Variants in CD84 observed in about 807,000 individuals in gnomAD.
CD84 encodes the protein SLAM family member 5.
In CD84, 22 loss-of-function variants were observed where a neutral mutation model predicts 33.8. The ratio of observed to expected loss-of-function variants is 0.65; its 90% CI spans 0.46 to 0.93. CD84 has a LOEUF of 0.93. Among genes scored for constraint, CD84 ranks in the 40% least tolerant of loss-of-function variants. The pLI, the probability that CD84 is intolerant of heterozygous loss-of-function variation, is 0.00. For missense variants in CD84, 400 were observed against 397.6 expected (o/e 1.01, Z -0.05); for synonymous variants, 154 against 145.2 (o/e 1.06, Z -0.44).
Position 160,565,538 on chromosome 1 carries a change from A to G in CD84, c.254T>C (p.Ile85Thr). The G allele has an allele frequency of 6.2e-7, 1 of 1,614,002 alleles. No individual in the cohort carries two copies. The highest frequency in any genetic ancestry group is 8.5e-7 in the Non-Finnish European group (1 of 1,179,904). The change falls in exon 2 of 7, where the codon ATA (isoleucine) becomes ACA (threonine). Residue 85 changes from isoleucine (I) to threonine (T), a missense_variant. Physicochemically the swap from Ile to Thr is moderately conservative, Grantham distance 89. Transcript: ENST00000368054. ...ATTGTAGTTCGGACCTAAGGCATGT[A>G]TCCGTTCATAATAATTTCTGTGGGT... ...TVTHRNYYERIHALGPNYNLV... is the reference protein window; with the variant it reads ...TVTHRNYYERTHALGPNYNLV...
Position 160,555,081 on chromosome 1 carries a change from C to CT in CD84, c.389-936dup, listed in dbSNP as rs35518975. On this transcript the variant is annotated intron_variant, in intron 2 of 6. Transcript: ENST00000368054. ...TCAGCACACAACTACATGAAATAAT[C>CT]TTTTTTTTTTTTTTTTTGAGACGGA... is the stretch of plus-strand genomic sequence containing the variant. Among the ~76,000 whole-genome samples, 625 of 138,492 alleles carry CT rather than the reference C, an allele frequency of 4.5e-3. 4 individuals are homozygous for CT. The highest frequency in any genetic ancestry group is 0.013 in the South Asian group (55 of 4,296). The allele number at this position is 138,492 out of a possible 152,430, so 90.9% of individuals were successfully genotyped here.
At position 160,553,983 on chromosome 1, in the gene CD84, A is replaced by G; in HGVS notation, c.552T>C (p.Pro184=). The G allele has an allele frequency of 1.2e-6, 2 of 1,614,222 alleles. No homozygotes were observed. The highest frequency in any genetic ancestry group is 2.2e-5 in the East Asian group (1 of 44,878). The change falls in exon 3 of 7, where the codon CCT becomes CCC. Residue 184 remains proline, a synonymous_variant. Transcript: ENST00000368054. ...EGNVLQIFQT[P]EDQELTYTCT... Reference sequence around the variant, plus strand: ...ACGTGTAAGTCAGCTCTTGGTCCTCAGGAGTCTGGAAGATTTGAAGGACAT... The same window carrying G: ...ACGTGTAAGTCAGCTCTTGGTCCTCGGGAGTCTGGAAGATTTGAAGGACAT...
chr1:160,543,602 TTTATTATTA>T lies in CD84; in HGVS notation c.*4645_*4653del, dbSNP rs10527741. On this transcript the variant is annotated 3_prime_UTR_variant, in exon 7 of 7. Transcript: ENST00000368054. Reference sequence around the variant, plus strand: ...ATCTTCAAGGAGCTCTCCATTATTATTTATTATTATTATTATTATTATTATTATTTAGGT... The same window carrying T: ...ATCTTCAAGGAGCTCTCCATTATTATTTATTATTATTATTATTATTTAGGT... 2.1e-5 allele frequency: 3 copies of T among 142,702 alleles called. No homozygotes were observed. Among genetic ancestry groups the T allele is most frequent in the African/African-American group, 7.7e-5 (3 of 38,740 alleles). The allele number at this position is 142,702 out of a possible 1,614,324, so 8.8% of individuals were successfully genotyped here.
At chr1:160,561,712 G>A (rs1656980949) in intron 2 of CD84, among the ~76,000 whole-genome samples, 1 of 152,118 alleles carries the variant, frequency 6.6e-6, no homozygotes, top group South Asian at 2.1e-4. Context: ...AGGGAGAGAG[G>A]AAGTCAAACT....
At chr1:160,558,232 C>T (rs888042732) in intron 2 of CD84, among the ~76,000 whole-genome samples, 4 of 152,190 alleles carry the variant, frequency 2.6e-5, no homozygotes, top group African/African-American at 9.6e-5. Flanking sequence ...TGTATTCAGG[C>T]TGGCAACAGG....
At position 160,541,730 on chromosome 1, in the gene CD84, A is replaced by C. The variant is rs1363154134; in HGVS notation, c.*6526T>G. ...GCTGGAGCCTTAGGGAGCAGGCAGG[A>C]GACAGCCTGGAAGGTCTGATGGGTC... is the stretch of plus-strand genomic sequence containing the variant. On this transcript the variant is annotated 3_prime_UTR_variant, in exon 7 of 7. Transcript: ENST00000368054. 1 of 152,226 alleles carries C rather than the reference A, an allele frequency of 6.6e-6. No individual in the cohort carries two copies. Among genetic ancestry groups the C allele is most frequent in the Admixed American group, 6.5e-5 (1 of 15,276 alleles). 9.4% of individuals were successfully genotyped at this position (152,226 alleles called of 1,614,324 possible).
At chr1:160,555,550 G>A (rs1167153718) in intron 2 of CD84, among the ~76,000 whole-genome samples, 1 of 152,168 alleles carries the variant, frequency 6.6e-6, no homozygotes, top group South Asian at 2.1e-4. Flanking sequence ...GGCTAGTAAA[G>A]GGTTACTAAA....
At chr1:160,571,607 A>G (rs1657698449) in intron 1 of CD84, 1 of 152,058 alleles carries the variant, frequency 6.6e-6, no homozygotes, top group South Asian at 2.1e-4. Context: ...GAGATAGGAC[A>G]GTAGCTAGAA....
rs955668521 is a variant in CD84 at position 160,576,767 on chromosome 1, G to A, written c.46+2625C>T. ...TCATCTGTATATGTGCACATAAACC[G>A]TATCTATCTCATAGTGTATTGTAAG... On this transcript the variant is annotated intron_variant, in intron 1 of 6. Coordinates refer to ENST00000368054, the MANE Select transcript of CD84 (RefSeq NM_003874.4). 5.3e-5 allele frequency among the ~76,000 whole-genome samples: 8 copies of A among 152,228 alleles called. No individual in the cohort carries two copies. The East Asian group carries it at 7.7e-4, about 15-fold the overall frequency.
chr1:160,556,237 A>G (rs1656596917), intron 2 of CD84, among the ~76,000 whole-genome samples: 1 of 152,190 alleles, frequency 6.6e-6, no homozygotes, highest in Non-Finnish European at 1.5e-5. Flanking sequence ...AGTCAGAGTC[A>G]TGGCCGACAG....
In CD84 at chr1:160,543,387, T is replaced by C. The variant is rs1418181851; in HGVS notation, c.*4869A>G. The C allele has an allele frequency of 6.6e-6, 1 of 152,104 alleles. No individual in the cohort carries two copies. The highest frequency in any genetic ancestry group is 1.9e-4 in the East Asian group (1 of 5,200). The allele number at this position is 152,104 out of a possible 1,614,324, so 9.4% of individuals were successfully genotyped here. Reference sequence around the variant, plus strand: ...GTGCATGGCCCTTGGTGACAAGAAGTCTTGAATTCAAATACTGTCTTCCCA... The same window carrying C: ...GTGCATGGCCCTTGGTGACAAGAAGCCTTGAATTCAAATACTGTCTTCCCA... On this transcript the variant is annotated 3_prime_UTR_variant, in exon 7 of 7. Coordinates refer to ENST00000368054, the MANE Select transcript of CD84 (RefSeq NM_003874.4).
At position 160,546,119 on chromosome 1, in the gene CD84, G is replaced by A. The variant is rs1228410963; in HGVS notation, c.*2137C>T. 6.6e-6 allele frequency: 1 copy of A among 152,170 alleles called. No individual in the cohort carries two copies. The highest frequency in any genetic ancestry group is 6.5e-5 in the Admixed American group (1 of 15,276). 9.4% of individuals were successfully genotyped at this position (152,170 alleles called of 1,614,324 possible). A position where few individuals can be genotyped will look rare whatever the true frequency, so the allele number is the denominator to read the frequency against. On this transcript the variant is annotated 3_prime_UTR_variant, in exon 7 of 7. Coordinates refer to ENST00000368054, the MANE Select transcript of CD84 (RefSeq NM_003874.4). ...TTCTCCTGTCTCAGCCTCCAGAGTA[G>A]CTGGGACTACAGATGTGTGCCACCA...
At chr1:160,571,796 T>C (rs1657711602) in intron 1 of CD84, among the ~76,000 whole-genome samples, 1 of 152,100 alleles carries the variant, frequency 6.6e-6, no homozygotes, top group African/African-American at 2.4e-5. Flanking sequence ...TGCCACATTG[T>C]GTGGTGGTCA....
intron 1 of CD84, among the ~76,000 whole-genome samples, chr1:160,568,652 T>A (rs61139453): frequency 0.05 from 7,576 of 152,186 alleles, 642 homozygotes; most frequent in African/African-American, 0.17. Flanking sequence ...TCTCACTCTC[T>A]CACTGTCACC....
intron 1 of CD84, among the ~76,000 whole-genome samples, chr1:160,573,531 T>G (rs1054533735): frequency 7.2e-5 from 11 of 152,140 alleles, no homozygotes; most frequent in Non-Finnish European, 1.3e-4. Flanking sequence ...CTTAGAGCTT[T>G]TGCACCTGTT....
chr1:160,549,205 C>A (rs1264340381), intron 6 of CD84, among the ~76,000 whole-genome samples: 1 of 152,112 alleles, frequency 6.6e-6, no homozygotes, highest in Non-Finnish European at 1.5e-5. Context: ...TCCCTATTGC[C>A]TTATAGGATC....
At chr1:160,549,091 T>C (rs1162619489) in intron 6 of CD84, among the ~76,000 whole-genome samples, 1 of 152,104 alleles carries the variant, frequency 6.6e-6, no homozygotes, top group Admixed American at 6.5e-5. Context: ...CTCTATCTGG[T>C]TGTCCAGTCC....
At chr1:160,566,930 G>A (rs906760002) in intron 1 of CD84, among the ~76,000 whole-genome samples, 1 of 152,114 alleles carries the variant, frequency 6.6e-6, no homozygotes, top group African/African-American at 2.4e-5. Context: ...GTAACTTCAA[G>A]ACATTATTTT....
At position 160,541,121 on chromosome 1, in the gene CD84, GT is replaced by G. The variant is rs1655522040; in HGVS notation, c.*7134del. ...GATGCATTATAAAATAATATTTATT[GT>G]GTCCTGCTGAAATGGAGCTTGTAGT... On this transcript the variant is annotated 3_prime_UTR_variant, in exon 7 of 7. Coordinates refer to ENST00000368054, the MANE Select transcript of CD84 (RefSeq NM_003874.4). The G allele has an allele frequency of 6.6e-6, 1 of 152,112 alleles. No individual in the cohort carries two copies. The highest frequency in any genetic ancestry group is 6.5e-5 in the Admixed American group (1 of 15,284). The allele number at this position is 152,112 out of a possible 1,614,324, so 9.4% of individuals were successfully genotyped here. A position where few individuals can be genotyped will look rare whatever the true frequency, so the allele number is the denominator to read the frequency against.
Sources: gnomAD v4.1 joint callset for allele counts (sites outside exome capture counted in the v4.1 genomes callset) on GRCh38, gnomAD v4.1.1 for gene constraint, MANE v1.5 for transcripts, NCBI Gene and HGNC (gene_info 2026-07-23, HGNC 2026-07-21) for gene names.